Variants in TMEM154 observed in about 807,000 individuals in gnomAD.
The protein encoded by TMEM154 is transmembrane protein 154.
A neutral mutation model predicts 24.5 loss-of-function variants in TMEM154; 27 were observed. That is an observed-to-expected ratio of 1.10 (90% CI 0.81 to 1.52). The LOEUF (loss-of-function observed/expected upper bound fraction) is 1.52. Among genes scored for constraint, TMEM154 ranks in the 40% most tolerant of loss-of-function variants. The pLI is 0.00. For missense variants in TMEM154, 228 were observed against 213.4 expected (o/e 1.07, Z -0.43); for synonymous variants, 67 against 76.8 (o/e 0.87, Z 0.67).
intron 6 of TMEM154, among the ~76,000 whole-genome samples, chr4:152,635,922 A>C (rs540108055): frequency 6.6e-5 from 10 of 152,324 alleles, no homozygotes; most frequent in Admixed American, 2.6e-4. Flanking sequence ...CCCTGTGGTC[A>C]AGAGATATAA....
chr4:152,649,141 G>A (rs1230072224), intron 3 of TMEM154, among the ~76,000 whole-genome samples: 1 of 152,252 alleles, frequency 6.6e-6, no homozygotes, highest in Non-Finnish European at 1.5e-5. Flanking sequence ...TGGGCATGTG[G>A]GACAAGGGCA....
In TMEM154 at chr4:152,623,044, C is replaced by T. The variant is rs906919611; in HGVS notation, c.*5502G>A. 5 of 152,338 alleles carry T rather than the reference C, an allele frequency of 3.3e-5. No homozygotes were observed. Among genetic ancestry groups the T allele is most frequent in the East Asian group, 1.9e-4 (1 of 5,180 alleles). The allele number at this position is 152,338 out of a possible 1,614,324, so 9.4% of individuals were successfully genotyped here. A position where few individuals can be genotyped will look rare whatever the true frequency, so the allele number is the denominator to read the frequency against. ...AAAAATGGGGTTTCACCATGTTGGC[C>T]AGGCTGGTCTCAAACTCCCGAGCTC... On this transcript the variant is annotated 3_prime_UTR_variant, in exon 7 of 7. Transcript: ENST00000304385.
chr4:152,630,309 CAAAA>C (rs56827457), intron 6 of TMEM154, among the ~76,000 whole-genome samples: 7 of 91,336 alleles, frequency 7.7e-5, no homozygotes, highest in Non-Finnish European at 1.4e-4. Flanking sequence ...CACCCTGTCT[CAAAA>C]AAAAAAAAAA....
intron 4 of TMEM154, 41 bp downstream of exon 4, chr4:152,644,374 T>C: frequency 1.2e-6 from 2 of 1,611,502 alleles, no homozygotes; most frequent in Non-Finnish European, 1.7e-6. Context: ...ACAGTTGCTG[T>C]TCACACCCCA....
In TMEM154 at chr4:152,628,317, C is replaced by A. The variant is rs887158081; in HGVS notation, c.*229G>T. On this transcript the variant is annotated 3_prime_UTR_variant, in exon 7 of 7. Transcript: ENST00000304385. ...CCTCCTTCTCCACCCTCAGAGGCAGCGATGGATGGCAGCCAGGCCTTTTCC... is the reference window on the plus strand; with the variant it reads ...CCTCCTTCTCCACCCTCAGAGGCAGAGATGGATGGCAGCCAGGCCTTTTCC... 1.9e-5 allele frequency: 13 copies of A among 689,966 alleles called. No homozygotes were observed. The highest frequency in any genetic ancestry group is 2.2e-5 in the Non-Finnish European group (9 of 412,642). 42.7% of individuals were successfully genotyped at this position (689,966 alleles called of 1,614,324 possible).
At chr4:152,641,105 C>T in intron 5 of TMEM154, 120 bp from the exon 6 acceptor site, 2 of 847,236 alleles carry the variant, frequency 2.4e-6, no homozygotes, top group Non-Finnish European at 3.6e-6. Flanking sequence ...ACAAAAATGG[C>T]CTCACCAAGG....
rs960844973 is a variant in TMEM154, at chr4:152,626,493, C to G, written c.*2053G>C. 1 of 152,132 alleles carries G rather than the reference C, an allele frequency of 6.6e-6. No individual in the cohort carries two copies. The highest frequency in any genetic ancestry group is 2.4e-5 in the African/African-American group (1 of 41,434). The allele number at this position is 152,132 out of a possible 1,614,324, so 9.4% of individuals were successfully genotyped here. A position where few individuals can be genotyped will look rare whatever the true frequency, so the allele number is the denominator to read the frequency against. ...CATATACCCTGACAGAATAAACTATCTTTTTAAAAAGTGCTTTGTACACTG... is the reference window on the plus strand; with the variant it reads ...CATATACCCTGACAGAATAAACTATGTTTTTAAAAAGTGCTTTGTACACTG... On this transcript the variant is annotated 3_prime_UTR_variant, in exon 7 of 7. Transcript: ENST00000304385.
Position 152,628,347 on chromosome 4 carries a change from ACTTC to A in TMEM154, c.*195_*198del. 1 of 905,738 alleles carries A rather than the reference ACTTC, an allele frequency of 1.1e-6. No individual in the cohort carries two copies. Among genetic ancestry groups the A allele is most frequent in the Non-Finnish European group, 1.7e-6 (1 of 578,294 alleles). The allele number at this position is 905,738 out of a possible 1,614,324, so 56.1% of individuals were successfully genotyped here. ...GATGGCAGCCAGGCCTTTTCCTAGT[ACTTC>A]TCAATTGCACATTCTTCCAAGTGCA... On this transcript the variant is annotated 3_prime_UTR_variant, in exon 7 of 7. Transcript: ENST00000304385.
At chr4:152,639,656 A>G (rs1428210987) in intron 6 of TMEM154, 1 of 151,920 alleles carries the variant, frequency 6.6e-6, no homozygotes, top group East Asian at 1.9e-4. Flanking sequence ...CTTGTTGCCC[A>G]GGCTGGAATG....
intron 6 of TMEM154, among the ~76,000 whole-genome samples, chr4:152,633,816 A>G (rs1297073767): frequency 3.9e-5 from 6 of 152,094 alleles, no homozygotes; most frequent in Admixed American, 1.3e-4. Context: ...TCTACAAAAA[A>G]TTCAAAAATT....
intron 1 of TMEM154, among the ~76,000 whole-genome samples, chr4:152,678,254 A>G (rs1405588153): frequency 6.6e-6 from 1 of 152,120 alleles, no homozygotes; most frequent in African/African-American, 2.4e-5. Context: ...GTGCACGATC[A>G]GATTCAGGTG....
At chr4:152,677,349 CTTAAT>C (rs1472687036) in intron 1 of TMEM154, among the ~76,000 whole-genome samples, 2 of 152,132 alleles carry the variant, frequency 1.3e-5, no homozygotes, top group African/African-American at 4.8e-5. Flanking sequence ...TTAATAAAGG[CTTAAT>C]TTGAGATACA....
At chr4:152,645,937 AC>A (rs1752362097) in intron 3 of TMEM154, among the ~76,000 whole-genome samples, 5 of 12,262 alleles carry the variant, frequency 4.1e-4, no homozygotes, top group Admixed American at 2.0e-3. Context: ...AGGAGAATAC[AC>A]ACACACACAC....
At chr4:152,645,167 G>A (rs988925720) in intron 3 of TMEM154, among the ~76,000 whole-genome samples, 2 of 152,236 alleles carry the variant, frequency 1.3e-5, no homozygotes, top group African/African-American at 4.8e-5. Flanking sequence ...AAAGTACAAA[G>A]GGGCAGGGAT....
At chr4:152,644,628 C>T (rs781689278) in intron 3 of TMEM154, among the ~76,000 whole-genome samples, 186 bp from the exon 4 acceptor site, 2 of 152,136 alleles carry the variant, frequency 1.3e-5, no homozygotes, top group Non-Finnish European at 2.9e-5. Flanking sequence ...GGTCCTAATC[C>T]GTGTGAAATC....
At chr4:152,629,816 A>C (rs1168677828) in intron 6 of TMEM154, among the ~76,000 whole-genome samples, 1 of 152,188 alleles carries the variant, frequency 6.6e-6, no homozygotes, top group Non-Finnish European at 1.5e-5. Flanking sequence ...ATAGATAGAT[A>C]GACAGACAGA....
chr4:152,637,741 C>T (rs944836779), intron 6 of TMEM154, among the ~76,000 whole-genome samples: 2 of 152,170 alleles, frequency 1.3e-5, no homozygotes, highest in Non-Finnish European at 2.9e-5. Context: ...AATGAGTCTT[C>T]TAAGTCCAAT....
At chr4:152,630,162 AT>A (rs1473507401) in intron 6 of TMEM154, among the ~76,000 whole-genome samples, 2 of 151,918 alleles carry the variant, frequency 1.3e-5, no homozygotes, top group African/African-American at 4.8e-5. Context: ...AAAATTAAAC[AT>A]TAGCCAAGTG....
At chr4:152,637,312 G>A (rs1385362942) in intron 6 of TMEM154, among the ~76,000 whole-genome samples, 1 of 152,202 alleles carries the variant, frequency 6.6e-6, no homozygotes, top group Admixed American at 6.5e-5. Context: ...TTGGGAGGCT[G>A]AGGTGGATGG....
Sources: gnomAD v4.1 joint callset for allele counts (sites outside exome capture counted in the v4.1 genomes callset) on GRCh38, gnomAD v4.1.1 for gene constraint, MANE v1.5 for transcripts, NCBI Gene and HGNC (gene_info 2026-07-23, HGNC 2026-07-21) for gene names.